Variants in CNTN4 observed in about 807,000 individuals in gnomAD.
CNTN4 encodes the protein contactin 4, also known as contactin-4.
In CNTN4, 77 loss-of-function variants were observed where a neutral mutation model predicts 122.5. That is an observed-to-expected ratio of 0.63 (90% CI 0.52 to 0.76). The LOEUF is 0.76. Ranked by LOEUF, CNTN4 falls within the 30% of genes least tolerant of loss-of-function variation. The pLI is 0.00. For synonymous variants in CNTN4, 512 were observed against 447.0 expected (o/e 1.15, Z -1.83); for missense variants, 1,256 against 1,259.1 (o/e 1.00, Z 0.04).
Position 2,212,771 on chromosome 3 carries a change from T to G in CNTN4, c.-145+112132T>G, listed in dbSNP as rs189674664. Among the ~76,000 whole-genome samples, 161 of 152,344 alleles carry G rather than the reference T, an allele frequency of 1.1e-3. 1 individual carries two copies. In the East Asian group the frequency reaches 0.023, roughly 22 times the overall value. ...GACTGAGGACTTTAAAAAATGGCAG[T>G]GACATATCCCTGCTCTTAGAGATTC... On this transcript the variant is annotated intron_variant, in intron 2 of 24. Coordinates refer to ENST00000418658, the MANE Select transcript of CNTN4 (RefSeq NM_175607.3).
intron 5 of CNTN4, among the ~76,000 whole-genome samples, chr3:2,740,868 T>C (rs2089419702): frequency 6.6e-6 from 1 of 152,240 alleles, no homozygotes; most frequent in Admixed American, 6.5e-5. Flanking sequence ...GAATTTACTT[T>C]ACATGCTCAT....
intron 13 of CNTN4, among the ~76,000 whole-genome samples, chr3:2,980,072 T>C (rs17024095): frequency 0.042 from 6,393 of 152,230 alleles, 346 homozygotes; most frequent in African/African-American, 0.12. Flanking sequence ...GGACTGACAA[T>C]GTCAACTTTT....
intron 3 of CNTN4, among the ~76,000 whole-genome samples, chr3:2,567,346 A>G (rs1206379699): frequency 1.3e-5 from 2 of 149,998 alleles, no homozygotes; most frequent in Non-Finnish European, 2.9e-5. Context: ...TCGGCCTCCC[A>G]AAGTGCTGGG....
chr3:2,705,035 GTATA>G (rs1345391585), intron 4 of CNTN4, among the ~76,000 whole-genome samples: 1 of 151,562 alleles, frequency 6.6e-6, no homozygotes, highest in Admixed American at 6.6e-5. Flanking sequence ...ACATATGTGT[GTATA>G]TATATATATT....
intron 14 of CNTN4, among the ~76,000 whole-genome samples, chr3:3,012,151 G>A (rs1251938090): frequency 1.3e-5 from 2 of 152,106 alleles, no homozygotes; most frequent in African/African-American, 4.8e-5. Context: ...TTTCTGTCTA[G>A]AATCTGTACA....
At chr3:2,687,120 A>G (rs1281077563) in intron 4 of CNTN4, among the ~76,000 whole-genome samples, 6 of 152,210 alleles carry the variant, frequency 3.9e-5, no homozygotes, top group African/African-American at 1.4e-4. Context: ...TTGTCCACAC[A>G]GAGTTTCAAT....
intron 10 of CNTN4, among the ~76,000 whole-genome samples, chr3:2,899,425 CT>C (rs1160038856): frequency 1.3e-5 from 2 of 152,126 alleles, no homozygotes; most frequent in African/African-American, 4.8e-5. Context: ...AGGCATTACC[CT>C]GTAGAAATGC....
chr3:2,679,469 T>A (rs538301006), intron 4 of CNTN4, among the ~76,000 whole-genome samples: 1 of 152,266 alleles, frequency 6.6e-6, no homozygotes, highest in South Asian at 2.1e-4. Flanking sequence ...TTCAGCGCAT[T>A]ATGTGATGTC....
At chr3:2,713,911 C>T (rs2087312599) in intron 4 of CNTN4, among the ~76,000 whole-genome samples, 1 of 152,142 alleles carries the variant, frequency 6.6e-6, no homozygotes, top group South Asian at 2.1e-4. Context: ...GATTTGTGAT[C>T]CGTAAAATCC....
chr3:2,415,988 G>C (rs2047397290), intron 3 of CNTN4, among the ~76,000 whole-genome samples: 1 of 152,032 alleles, frequency 6.6e-6, no homozygotes, highest in Non-Finnish European at 1.5e-5. Context: ...AGGTGAATTG[G>C]CATGAGAATT....
At chr3:2,289,328 A>G (rs989907441) in intron 2 of CNTN4, among the ~76,000 whole-genome samples, 4 of 152,174 alleles carry the variant, frequency 2.6e-5, no homozygotes, top group Non-Finnish European at 4.4e-5. Context: ...GATTTGACCT[A>G]TGTTTCTCAT....
At chr3:2,990,086 C>T (rs1000067226) in intron 14 of CNTN4, among the ~76,000 whole-genome samples, 5 of 152,252 alleles carry the variant, frequency 3.3e-5, no homozygotes, top group South Asian at 2.1e-4. Context: ...CTCATGGAGT[C>T]GCTTTGATAA....
chr3:2,376,510 A>G (rs2045821759), intron 3 of CNTN4, among the ~76,000 whole-genome samples: 1 of 152,082 alleles, frequency 6.6e-6, no homozygotes, highest in Non-Finnish European at 1.5e-5. Flanking sequence ...AAGTATCAGT[A>G]TTTCTATATC....
Position 2,736,337 on chromosome 3 carries a change from A to T in CNTN4, c.178A>T (p.Ile60Phe). The change falls in exon 5 of 25, where the codon ATC (isoleucine) becomes TTC (phenylalanine). Residue 60 changes from isoleucine (I) to phenylalanine (F), a missense_variant. By Grantham distance (21) the Ile-to-Phe change is conservative. Transcript: ENST00000418658. ...AGTTAAAGGAAATCCAAAACCTCATATCAGGTTTGTTGATGTAAAAGCATG... is the reference window on the plus strand; with the variant it reads ...AGTTAAAGGAAATCCAAAACCTCATTTCAGGTTTGTTGATGTAAAAGCATG... ...CEVKGNPKPH[I>F]RWKLNGTDVD... 1 of 1,613,552 alleles carries T rather than the reference A, an allele frequency of 6.2e-7. No homozygotes were observed. The highest frequency in any genetic ancestry group is 8.5e-7 in the Non-Finnish European group (1 of 1,179,692).
chr3:2,893,906 T>C (rs544650471), intron 10 of CNTN4, among the ~76,000 whole-genome samples: 4 of 152,158 alleles, frequency 2.6e-5, no homozygotes, highest in Non-Finnish European at 4.4e-5. Context: ...GAAAAATTAT[T>C]GGATACCTCA....
rs59917502 is a variant in CNTN4 at position 2,440,181 on chromosome 3, G to A, written c.-89+100948G>A. On this transcript the variant is annotated intron_variant, in intron 3 of 24. Transcript: ENST00000418658. ...TTATACTTTAAGTTTTAGGGTACAT[G>A]TGCACAACGTGCAGGTTAGTTACAT... 3.1e-3 allele frequency among the ~76,000 whole-genome samples: 477 copies of A among 152,238 alleles called. 2 individuals are homozygous for A. Among genetic ancestry groups the A allele is most frequent in the African/African-American group, 0.01 (425 of 41,550 alleles).
intron 3 of CNTN4, among the ~76,000 whole-genome samples, chr3:2,411,837 T>C (rs1365978032): frequency 1.3e-5 from 2 of 152,212 alleles, no homozygotes; most frequent in Non-Finnish European, 2.9e-5. Context: ...CATTGAGATG[T>C]AGTATACATA....
chr3:2,987,655 A>C (rs1694698623), intron 13 of CNTN4, among the ~76,000 whole-genome samples: 1 of 152,184 alleles, frequency 6.6e-6, no homozygotes, highest in Non-Finnish European at 1.5e-5. Flanking sequence ...AGTCATGATG[A>C]AAACAGAGTT....
chr3:2,883,883 GA>G (rs1478043124), intron 9 of CNTN4, among the ~76,000 whole-genome samples: 1 of 152,214 alleles, frequency 6.6e-6, no homozygotes, highest in Non-Finnish European at 1.5e-5. Context: ...TAAAGAACAT[GA>G]AATGCACATC....
Sources: gnomAD v4.1 joint callset for allele counts (sites outside exome capture counted in the v4.1 genomes callset) on GRCh38, gnomAD v4.1.1 for gene constraint, MANE v1.5 for transcripts, NCBI Gene and HGNC (gene_info 2026-07-23, HGNC 2026-07-21) for gene names.